The following OTUB1 variants were observed in gnomAD, a reference collection of about 807,000 sequenced individuals.
OTUB1 encodes ubiquitin thioesterase OTUB1.
OTUB1 carries 10 observed loss-of-function variants against 35.8 expected under a neutral mutation model. The ratio of observed to expected loss-of-function variants is 0.28; its 90% CI spans 0.17 to 0.47. OTUB1 has a LOEUF of 0.47. Among genes scored for constraint, OTUB1 ranks in the 20% least tolerant of loss-of-function variants. OTUB1 has a pLI of 0.99. For synonymous variants in OTUB1, 158 were observed against 143.8 expected (o/e 1.10, Z -0.71); for missense variants, 264 against 351.6 (o/e 0.75, Z 1.99).
chr11:63,990,389 C>G (rs1942660362), intron 3 of OTUB1: 1 of 151,954 alleles, frequency 6.6e-6, no homozygotes, highest in Non-Finnish European at 1.5e-5. Context: ...ATCGCTTGAG[C>G]CCAGGAGTTC....
chr11:63,993,777 C>T (rs1328403281), intron 3 of OTUB1, among the ~76,000 whole-genome samples: 1 of 151,966 alleles, frequency 6.6e-6, no homozygotes, highest in Non-Finnish European at 1.5e-5. Context: ...CAACTTGATC[C>T]TCCCCCCTTG....
At chr11:63,987,846 C>T (rs924485260) in intron 1 of OTUB1, among the ~76,000 whole-genome samples, 1 of 152,180 alleles carries the variant, frequency 6.6e-6, no homozygotes, top group East Asian at 1.9e-4. Context: ...AGAACATTCC[C>T]AGGCTGCTGG....
At chr11:63,986,765 C>G in intron 1 of OTUB1, 1 of 487,806 alleles carries the variant, frequency 2.0e-6, no homozygotes, top group Non-Finnish European at 3.6e-6. Flanking sequence ...GCGCCCGGGG[C>G]GGGGCCTGGG....
Position 63,997,680 on chromosome 11 carries a change from A to C in OTUB1, c.*134A>C. The C allele has an allele frequency of 1.3e-6, 1 of 757,318 alleles. No homozygotes were observed. The highest frequency in any genetic ancestry group is 2.3e-6 in the Non-Finnish European group (1 of 439,464). The allele number at this position is 757,318 out of a possible 1,614,324, so 46.9% of individuals were successfully genotyped here. ...GTCACATGACCCCCCCCCATGTTTT[A>C]TTAAAGGGGGTGCTGGTGGTGAGCC... is the stretch of plus-strand genomic sequence containing the variant. On this transcript the variant is annotated 3_prime_UTR_variant, in exon 7 of 7. Transcript: ENST00000538426.
At chr11:63,990,930 C>G (rs1256493555) in intron 3 of OTUB1, among the ~76,000 whole-genome samples, 1 of 152,196 alleles carries the variant, frequency 6.6e-6, no homozygotes, top group African/African-American at 2.4e-5. Context: ...AACCACAGCT[C>G]CTGACTTCTA....
At chr11:63,995,440 A>G (rs759862459) in intron 3 of OTUB1, among the ~76,000 whole-genome samples, 1 of 147,832 alleles carries the variant, frequency 6.8e-6, no homozygotes, top group Non-Finnish European at 1.5e-5. Flanking sequence ...AGGTGATCCA[A>G]CCACCTCAGC....
intron 3 of OTUB1, among the ~76,000 whole-genome samples, chr11:63,996,164 T>G (rs1942714713): frequency 6.6e-6 from 1 of 152,070 alleles, no homozygotes; most frequent in African/African-American, 2.4e-5. Flanking sequence ...AGGCCAGCAC[T>G]CCACCCTGGC....
intron 3 of OTUB1, among the ~76,000 whole-genome samples, chr11:63,993,813 G>T (rs1312841155): frequency 6.6e-6 from 1 of 152,068 alleles, no homozygotes; most frequent in Non-Finnish European, 1.5e-5. Context: ...GGGATTACAG[G>T]TGTGAGCCAC....
chr11:63,994,707 G>T (rs900846219), intron 3 of OTUB1, among the ~76,000 whole-genome samples: 2 of 152,252 alleles, frequency 1.3e-5, no homozygotes, highest in African/African-American at 4.8e-5. Context: ...AGGGAAGGAG[G>T]CATCTAGGCA....
In OTUB1 at chr11:63,996,905, C is replaced by A. The variant is rs746410478; in HGVS notation, c.387C>A (p.Gly129=). ...GCAAGGAAGACCTGGTGTCCCAGGG[C>A]TTCACTGAATTCACAATTGAGGATT... The part of the protein sequence containing the change: ...AKSKEDLVSQ[G]FTEFTIEDFH... The change falls in exon 5 of 7, where the codon GGC becomes GGA. Residue 129 remains glycine (G), a synonymous_variant. Coordinates refer to ENST00000538426, the MANE Select transcript of OTUB1 (RefSeq NM_017670.3). The A allele has an allele frequency of 6.2e-7, 1 of 1,614,108 alleles. No individual in the cohort carries two copies. The highest frequency in any genetic ancestry group is 1.1e-5 in the South Asian group (1 of 91,088).
intron 3 of OTUB1, chr11:63,989,899 A>G (rs1253199324): frequency 6.6e-6 from 1 of 151,410 alleles, no homozygotes; most frequent in Non-Finnish European, 1.5e-5. Flanking sequence ...CTGTAGTCCC[A>G]GCTACTCGGA....
At chr11:63,988,505 C>A (rs1942640542) in intron 2 of OTUB1, 107 bp downstream of exon 2, 1 of 1,318,776 alleles carries the variant, frequency 7.6e-7, no homozygotes, top group South Asian at 1.2e-5. Context: ...GAAGCTCCCT[C>A]CTCCCTAGGC....
Position 63,988,850 on chromosome 11 carries a change from A to T in OTUB1, c.219+98A>T, listed in dbSNP as rs1942644461. On this transcript the variant is annotated intron_variant, in intron 3 of 6. Transcript: ENST00000538426. ...TCCTGCTGGGTCTGTCACCTGAGGG[A>T]GTAGGGTGTTGGAGGACACTTTTCG... 3.9e-6 allele frequency: 3 copies of T among 769,272 alleles called. No homozygotes were observed. The South Asian group carries it at 4.4e-5, about 11-fold the overall frequency. 47.7% of individuals were successfully genotyped at this position (769,272 alleles called of 1,614,324 possible). A position where few individuals can be genotyped will look rare whatever the true frequency, so the allele number is the denominator to read the frequency against.
chr11:63,996,148 G>T (rs1335219232), intron 3 of OTUB1, among the ~76,000 whole-genome samples: 1 of 152,118 alleles, frequency 6.6e-6, no homozygotes, highest in African/African-American at 2.4e-5. Context: ...CCTGGTTGAG[G>T]CGTGGAGGCC....
chr11:63,996,559 C>A lies in OTUB1; in HGVS notation c.249C>A (p.Arg83=). The A allele has an allele frequency of 6.2e-7, 1 of 1,614,234 alleles. No homozygotes were observed. Among genetic ancestry groups the A allele is most frequent in the Middle Eastern group, 1.6e-4 (1 of 6,062 alleles). The stretch of plus-strand genomic sequence containing the variant: ...TCCACAAAAAGTACTCGTACATCCG[C>A]AAGACCAGGCCTGACGGCAACTGTT... The part of the protein sequence containing the change: ...KDLHKKYSYI[R]KTRPDGNCFY... Residue 83 remains arginine, a synonymous_variant, in exon 4 of 7, where the codon CGC becomes CGA. Coordinates refer to ENST00000538426, the MANE Select transcript of OTUB1 (RefSeq NM_017670.3).
chr11:63,988,325 T>C lies in OTUB1; in HGVS notation c.59-12T>C. 3 of 1,551,934 alleles carry C rather than the reference T, an allele frequency of 1.9e-6. No homozygotes were observed. Among genetic ancestry groups the C allele is most frequent in the South Asian group, 2.4e-5 (2 of 84,046 alleles). The stretch of plus-strand genomic sequence containing the variant: ...GACCCCCTGTAATCTTTGGCTTTTT[T>C]CCTTTTCCCAGGTGTTAACTGTCTG... On this transcript the variant is annotated splice_polypyrimidine_tract_variant and intron_variant, in intron 1 of 6. Transcript: ENST00000538426.
chr11:63,990,585 T>TAAAAAAAAAAAAAAAAAAA (rs774764039), intron 3 of OTUB1: 2 of 125,104 alleles, frequency 1.6e-5, no homozygotes, highest in African/African-American at 6.5e-5. Context: ...ACCTGTCTCT[T>TAAAAAAAAAAAAAAAAAAA]AAAAAAATAA....
At chr11:63,991,456 T>G (rs936388543) in intron 3 of OTUB1, among the ~76,000 whole-genome samples, 1 of 152,210 alleles carries the variant, frequency 6.6e-6, no homozygotes, top group African/African-American at 2.4e-5. Context: ...CATTTGGATG[T>G]CCAGAGCATG....
At chr11:63,992,749 C>T (rs540310160) in intron 3 of OTUB1, among the ~76,000 whole-genome samples, 17 of 152,270 alleles carry the variant, frequency 1.1e-4, no homozygotes, top group African/African-American at 3.9e-4. Flanking sequence ...TGGGGTTTCA[C>T]CATATTGGCT....
Sources: allele counts gnomAD v4.1 joint callset (sites outside exome capture counted in the v4.1 genomes callset), GRCh38; gene constraint gnomAD v4.1.1; transcripts MANE v1.5; gene names NCBI Gene and HGNC (gene_info 2026-07-23, HGNC 2026-07-21).